The following RBMS3 variants were observed in gnomAD, a reference collection of about 807,000 sequenced individuals.
RBMS3 encodes RNA binding motif single stranded interacting protein 3.
In RBMS3, 27 loss-of-function variants were observed where a neutral mutation model predicts 66.8. That is an observed-to-expected ratio of 0.40 (90% CI 0.30 to 0.56). RBMS3 has a LOEUF of 0.56. RBMS3 is among the 20% of genes least tolerant of loss of function. RBMS3 has a pLI of 0.40. For synonymous variants in RBMS3, 188 were observed against 183.0 expected (o/e 1.03, Z -0.22); for missense variants, 513 against 549.5 (o/e 0.93, Z 0.66).
At chr3:29,698,211 TAA>T (rs1186181726) in intron 4 of RBMS3, 4 of 985,136 alleles carry the variant, frequency 4.1e-6, no homozygotes, top group Non-Finnish European at 4.8e-6. Flanking sequence ...TTCAATTTTA[TAA>T]GAGTCCAGAA....
intron 6 of RBMS3, among the ~76,000 whole-genome samples, chr3:29,770,558 C>T (rs963479545): frequency 6.6e-6 from 1 of 151,934 alleles, no homozygotes; most frequent in Non-Finnish European, 1.5e-5. Context: ...GTTTTCTATA[C>T]ATCTCCAAAA....
intron 4 of RBMS3, among the ~76,000 whole-genome samples, chr3:29,704,090 C>A (rs1484828704): frequency 6.6e-6 from 1 of 152,170 alleles, no homozygotes; most frequent in Non-Finnish European, 1.5e-5. Flanking sequence ...AAAACAAGCT[C>A]AGGGCTCCCA....
At chr3:29,451,916 A>G (rs1241414454) in intron 2 of RBMS3, among the ~76,000 whole-genome samples, 1 of 152,230 alleles carries the variant, frequency 6.6e-6, no homozygotes, top group Non-Finnish European at 1.5e-5. Context: ...CTTAAATTCA[A>G]TAACACAATT....
chr3:29,864,713 A>G (rs1316121475), intron 6 of RBMS3, among the ~76,000 whole-genome samples: 1 of 152,096 alleles, frequency 6.6e-6, no homozygotes, highest in Middle Eastern at 3.2e-3. Flanking sequence ...TAGATATAAT[A>G]CATTCTTTAA....
intron 8 of RBMS3, among the ~76,000 whole-genome samples, chr3:29,884,461 TC>T (rs2059815420): frequency 2.9e-5 from 4 of 135,950 alleles, no homozygotes; most frequent in Non-Finnish European, 4.7e-5. Context: ...TCTCTCTCTC[TC>T]TCTCTCTCCC....
intron 10 of RBMS3, among the ~76,000 whole-genome samples, chr3:29,900,968 A>AT (rs1372152363): frequency 2.6e-5 from 4 of 151,858 alleles, no homozygotes; most frequent in African/African-American, 9.6e-5. Flanking sequence ...GGTCCATTTT[A>AT]TTTTTTTAAA....
rs375087461 is a variant in RBMS3 at position 29,848,521 on chromosome 3, T to C, written c.638-20337T>C. Among the ~76,000 whole-genome samples, 18 of 152,284 alleles carry C rather than the reference T, an allele frequency of 1.2e-4. No homozygotes were observed. In the East Asian group the frequency reaches 3.3e-3, roughly 28 times the overall value. ...CAAAAAAGTCCAGGGGGTTAAACAATAATCTAAGCCTTTTATTTGTAAATC... is the reference window on the plus strand; with the variant it reads ...CAAAAAAGTCCAGGGGGTTAAACAACAATCTAAGCCTTTTATTTGTAAATC... On this transcript the variant is annotated intron_variant, in intron 6 of 14. Transcript: ENST00000383767.
chr3:29,978,601 C>T lies in RBMS3; in HGVS notation c.1099-9542C>T, dbSNP rs188079403. On this transcript the variant is annotated intron_variant, in intron 12 of 14. Coordinates refer to ENST00000383767, the MANE Select transcript of RBMS3 (RefSeq NM_001003793.3). ...AAGTTACCAAGTATTTAAGGTAGCT[C>T]GCCTGGAAGAAAATTAGGTTGTCTG... 1.2e-3 allele frequency among the ~76,000 whole-genome samples: 184 copies of T among 151,190 alleles called. 1 individual carries two copies. The highest frequency in any genetic ancestry group is 4.3e-3 in the African/African-American group (176 of 41,136).
intron 3 of RBMS3, among the ~76,000 whole-genome samples, chr3:29,551,586 T>C (rs2149032480): frequency 6.6e-6 from 1 of 152,342 alleles, no homozygotes; most frequent in East Asian, 1.9e-4. Flanking sequence ...ATATTCGTCA[T>C]AAATTCAGCA....
intron 1 of RBMS3, among the ~76,000 whole-genome samples, chr3:29,289,634 T>C (rs1007595681): frequency 2.0e-5 from 3 of 151,934 alleles, no homozygotes; most frequent in Non-Finnish European, 4.4e-5. Context: ...GAATTTTGTT[T>C]CATGAATGAT....
chr3:29,951,111 A>C (rs1486594954), intron 12 of RBMS3, among the ~76,000 whole-genome samples: 2 of 151,846 alleles, frequency 1.3e-5, no homozygotes, highest in East Asian at 3.9e-4. Flanking sequence ...TTAATTTTGT[A>C]AATCTTCCAC....
chr3:29,545,298 C>T lies in RBMS3; in HGVS notation c.308-41816C>T, dbSNP rs78410954. 2.3e-3 allele frequency among the ~76,000 whole-genome samples: 344 copies of T among 151,880 alleles called. 1 individual carries two copies. Among genetic ancestry groups the T allele is most frequent in the Middle Eastern group, 6.9e-3 (2 of 290 alleles). ...ATTTGATGATAATCTCCAGATTATA[C>T]GATTAGAAATAATTTCATTTTCTTA... On this transcript the variant is annotated intron_variant, in intron 3 of 14. Transcript: ENST00000383767.
At chr3:29,306,598 C>G (rs952041755) in intron 1 of RBMS3, among the ~76,000 whole-genome samples, 4 of 151,938 alleles carry the variant, frequency 2.6e-5, no homozygotes, top group African/African-American at 9.7e-5. Context: ...ACAGCAGAGC[C>G]TCAGATTTTT....
chr3:29,592,771 A>C (rs1293273354), intron 4 of RBMS3, among the ~76,000 whole-genome samples: 4 of 152,076 alleles, frequency 2.6e-5, no homozygotes, highest in Admixed American at 2.6e-4. Flanking sequence ...ATGTCCATCG[A>C]TGATAGACTG....
intron 4 of RBMS3, among the ~76,000 whole-genome samples, chr3:29,613,577 A>G (rs1039617341): frequency 6.6e-6 from 1 of 152,162 alleles, no homozygotes; most frequent in African/African-American, 2.4e-5. Flanking sequence ...CATTATTTAA[A>G]ATATATGGAA....
intron 4 of RBMS3, among the ~76,000 whole-genome samples, chr3:29,594,267 A>T (rs922732516): frequency 1.6e-4 from 24 of 151,304 alleles, no homozygotes; most frequent in Non-Finnish European, 1.5e-5. Context: ...ACTGTTTGGA[A>T]TTTTTTTTTC....
chr3:29,561,402 T>C (rs77990130), intron 3 of RBMS3, among the ~76,000 whole-genome samples: 6,262 of 152,144 alleles, frequency 0.041, 453 homozygotes, highest in African/African-American at 0.14. Flanking sequence ...GTTTTCCCTT[T>C]TTTCCACAAC....
intron 4 of RBMS3, among the ~76,000 whole-genome samples, chr3:29,724,345 G>T (rs1436673986): frequency 6.6e-5 from 10 of 152,120 alleles, no homozygotes; most frequent in African/African-American, 2.4e-4. Context: ...AATAAAAATT[G>T]TAGAAATGAT....
chr3:29,957,963 C>G (rs1696157947), intron 12 of RBMS3, among the ~76,000 whole-genome samples: 1 of 152,112 alleles, frequency 6.6e-6, no homozygotes, highest in Admixed American at 6.6e-5. Flanking sequence ...TAATGGCAAT[C>G]AGAGCAAGTA....
Sources: gnomAD v4.1 joint callset for allele counts (sites outside exome capture counted in the v4.1 genomes callset) on GRCh38, gnomAD v4.1.1 for gene constraint, MANE v1.5 for transcripts, NCBI Gene and HGNC (gene_info 2026-07-23, HGNC 2026-07-21) for gene names.